The following PARP8 variants were observed in gnomAD, a reference collection of about 807,000 sequenced individuals.
PARP8 encodes the protein protein mono-ADP-ribosyltransferase PARP8.
In PARP8, 51 loss-of-function variants were observed where a neutral mutation model predicts 124.1. The observed-to-expected ratio is 0.41, with a 90% confidence interval of 0.33 to 0.52. PARP8 has a LOEUF of 0.52. PARP8 is among the 20% of genes least tolerant of loss of function. PARP8 has a pLI of 0.21. For missense variants in PARP8, 860 were observed against 1,018.9 expected, an observed-to-expected ratio of 0.84 and a Z score of 2.12; for synonymous variants, 391 against 361.5, an observed-to-expected ratio of 1.08 and a Z score of -0.93.
At chr5:50,829,043 A>G (rs1442016428) in intron 21 of PARP8, among the ~76,000 whole-genome samples, 1 of 152,250 alleles carries the variant, frequency 6.6e-6, no homozygotes, top group African/African-American at 2.4e-5. Flanking sequence ...ACATTTCTAG[A>G]GCACTGGGCC....
intron 25 of PARP8, among the ~76,000 whole-genome samples, chr5:50,837,241 A>G (rs1456037939): frequency 2.6e-5 from 4 of 152,302 alleles, no homozygotes; most frequent in Admixed American, 2.6e-4. Context: ...CACAAATGAG[A>G]TTTCATCCTT....
At position 50,795,098 on chromosome 5, in the gene PARP8, C is replaced by T. The variant is rs1464088138; in HGVS notation, c.1109C>T (p.Ala370Val). 2.5e-6 allele frequency: 4 copies of T among 1,614,206 alleles called. No individual in the cohort carries two copies. Among genetic ancestry groups the T allele is most frequent in the Admixed American group, 1.7e-5 (1 of 60,026 alleles). ...CTTTTGAACCGTCCTTGCCCTGCAGCTGTTAAGTCAGAGGAATGCCTAACT... is the reference window on the plus strand; with the variant it reads ...CTTTTGAACCGTCCTTGCCCTGCAGTTGTTAAGTCAGAGGAATGCCTAACT... ...HKLLNRPCPAAVKSEECLTLK... is the reference protein window; with the variant it reads ...HKLLNRPCPAVVKSEECLTLK... Residue 370 changes from alanine (A) to valine (V), a missense_variant, in exon 12 of 26, where the codon GCT becomes GTT. Physicochemically the swap from Ala to Val is moderately conservative, Grantham distance 64. Transcript: ENST00000281631.
intron 9 of PARP8, among the ~76,000 whole-genome samples, chr5:50,787,432 G>C (rs1741387104): frequency 1.3e-5 from 2 of 152,108 alleles, no homozygotes; most frequent in Admixed American, 6.6e-5. Context: ...TCTTTGCTCT[G>C]GCTGGGACAT....
Position 50,797,012 on chromosome 5 carries a change from G to A in PARP8, c.1459G>A (p.Asp487Asn), listed in dbSNP as rs768591392. The change falls in exon 13 of 26, where the codon GAC becomes AAC. Residue 487 changes from aspartate (D) to asparagine (N), a missense_variant. Asp to Asn is a conservative substitution (Grantham distance 23, BLOSUM62 1). Transcript: ENST00000281631. ...TGGTGCAAAATGCATTCCAGTACGA[G>A]ACCGTGGCTTCCTGGTGCAGGTATG... ...PNGAKCIPVR[D>N]RGFLVQTIEF... The A allele has an allele frequency of 6.2e-7, 1 of 1,612,570 alleles. No homozygotes were observed. Among genetic ancestry groups the A allele is most frequent in the African/African-American group, 1.3e-5 (1 of 74,842 alleles).
At chr5:50,720,015 ATCTGACATGCT>A (rs1459665835) in intron 2 of PARP8, among the ~76,000 whole-genome samples, 2 of 152,088 alleles carry the variant, frequency 1.3e-5, no homozygotes, top group African/African-American at 4.8e-5. Context: ...TTAAAAAAAA[ATCTGACATGCT>A]TCTATCCTTG....
At chr5:50,747,581 A>T (rs1439517878) in intron 2 of PARP8, among the ~76,000 whole-genome samples, 1 of 151,712 alleles carries the variant, frequency 6.6e-6, no homozygotes, top group Non-Finnish European at 1.5e-5. Context: ...CACATTTATG[A>T]TTGGTATGAC....
Position 50,731,622 on chromosome 5 carries a change from G to A in PARP8, c.147-18529G>A, listed in dbSNP as rs558657657. On this transcript the variant is annotated intron_variant, in intron 2 of 25. Transcript: ENST00000281631. The stretch of plus-strand genomic sequence containing the variant: ...AAATGTTATTTTTTTGGATGCAGTC[G>A]TTGGGAAAGCATGAGGTATAGGACT... Among the ~76,000 whole-genome samples the A allele has an allele frequency of 5.9e-5, 9 of 152,202 alleles. 1 individual carries two copies. The highest frequency in any genetic ancestry group is 2.0e-4 in the Admixed American group (3 of 15,274).
chr5:50,816,749 GA>G (rs1745148424), intron 15 of PARP8, among the ~76,000 whole-genome samples: 1 of 152,104 alleles, frequency 6.6e-6, no homozygotes, highest in African/African-American at 2.4e-5. Context: ...TAACGGTTCT[GA>G]GCATCCCTAT....
At chr5:50,712,921 T>A (rs1461640128) in intron 2 of PARP8, among the ~76,000 whole-genome samples, 1 of 151,748 alleles carries the variant, frequency 6.6e-6, no homozygotes, top group Non-Finnish European at 1.5e-5. Context: ...TTTATGTTAG[T>A]GGCATGAGGT....
At position 50,845,400 on chromosome 5, in the gene PARP8, G is replaced by A. The variant is rs1235400974; in HGVS notation, c.*3332G>A. ...GGTCATCTACCGTCTAAATAAATAC[G>A]GATTTCATGGTGGCATTTGAAGCAC... On this transcript the variant is annotated 3_prime_UTR_variant, in exon 26 of 26. Coordinates refer to ENST00000281631, the MANE Select transcript of PARP8 (RefSeq NM_024615.4). 2 of 151,564 alleles carry A rather than the reference G, an allele frequency of 1.3e-5. No homozygotes were observed. The highest frequency in any genetic ancestry group is 2.4e-5 in the African/African-American group (1 of 41,316). 9.4% of individuals were successfully genotyped at this position (151,564 alleles called of 1,614,324 possible).
At chr5:50,684,552 T>C (rs1038989469) in intron 2 of PARP8, among the ~76,000 whole-genome samples, 1 of 152,002 alleles carries the variant, frequency 6.6e-6, no homozygotes, top group Non-Finnish European at 1.5e-5. Context: ...ACATACATAA[T>C]GTCATAAAAA....
chr5:50,784,057 A>C (rs1297999082), intron 9 of PARP8, among the ~76,000 whole-genome samples: 2 of 152,192 alleles, frequency 1.3e-5, no homozygotes, highest in African/African-American at 4.8e-5. Flanking sequence ...CGGTGATTTA[A>C]AAAGAGTGTT....
intron 9 of PARP8, among the ~76,000 whole-genome samples, chr5:50,786,331 A>C (rs1444801253): frequency 6.6e-6 from 1 of 151,640 alleles, no homozygotes; most frequent in Non-Finnish European, 1.5e-5. Context: ...GCAGTATTTC[A>C]TAACAGTTGT....
chr5:50,800,598 T>C (rs1743093166), intron 14 of PARP8, among the ~76,000 whole-genome samples: 1 of 152,158 alleles, frequency 6.6e-6, no homozygotes, highest in South Asian at 2.1e-4. Context: ...TCCTAGTTGT[T>C]AGGTGGTTTT....
intron 2 of PARP8, among the ~76,000 whole-genome samples, chr5:50,705,534 T>C (rs1344332455): frequency 6.6e-6 from 1 of 152,146 alleles, no homozygotes; most frequent in African/African-American, 2.4e-5. Context: ...ACACCTGTAA[T>C]CCCACTTTGG....
At chr5:50,682,518 G>T (rs1345593272) in intron 2 of PARP8, among the ~76,000 whole-genome samples, 4 of 151,962 alleles carry the variant, frequency 2.6e-5, no homozygotes, top group Non-Finnish European at 4.4e-5. Context: ...CCTTGTTACT[G>T]CAGAAATGTA....
chr5:50,753,461 C>T (rs374376563), intron 3 of PARP8, among the ~76,000 whole-genome samples: 1 of 151,940 alleles, frequency 6.6e-6, no homozygotes, highest in African/African-American at 2.4e-5. Context: ...TGTTTTTATA[C>T]CTAATAAACA....
chr5:50,818,167 T>C lies in PARP8; in HGVS notation c.1668+2643T>C, dbSNP rs1187467217. ...TTAAATCGTTGGGAGTGGGGAAATA[T>C]ATCATTTAGCCCCCCCCCCCCCAAA... On this transcript the variant is annotated intron_variant, in intron 15 of 25. Transcript: ENST00000281631. 2.0e-5 allele frequency among the ~76,000 whole-genome samples: 3 copies of C among 147,390 alleles called. No individual in the cohort carries two copies. The East Asian group carries it at 5.9e-4, about 29-fold the overall frequency.
chr5:50,804,051 G>C (rs1015409635), intron 14 of PARP8, among the ~76,000 whole-genome samples: 1 of 152,068 alleles, frequency 6.6e-6, no homozygotes, highest in Non-Finnish European at 1.5e-5. Context: ...CACAGTCATG[G>C]GCAAGCACAT....
Sources: gnomAD v4.1 joint callset for allele counts (sites outside exome capture counted in the v4.1 genomes callset) on GRCh38, gnomAD v4.1.1 for gene constraint, MANE v1.5 for transcripts, NCBI Gene and HGNC (gene_info 2026-07-23, HGNC 2026-07-21) for gene names.